Variants in THEM4 observed in about 807,000 individuals in gnomAD.
THEM4 encodes thioesterase superfamily member 4.
THEM4 carries 22 observed loss-of-function variants against 25.0 expected under a neutral mutation model. The ratio of observed to expected loss-of-function variants is 0.88; its 90% CI spans 0.63 to 1.26. THEM4 has a LOEUF of 1.26. Ranked by LOEUF, THEM4 falls within the 50% of genes most tolerant of loss-of-function variation. The pLI is 0.00. For synonymous variants in THEM4, 113 were observed against 105.6 expected (o/e 1.07, Z -0.43); for missense variants, 286 against 300.3 (o/e 0.95, Z 0.35).
At chr1:151,885,056 ATTG>A (rs1380416921) in intron 4 of THEM4, among the ~76,000 whole-genome samples, 1 of 151,166 alleles carries the variant, frequency 6.6e-6, no homozygotes, top group Non-Finnish European at 1.5e-5. Context: ...ATAGTTTATC[ATTG>A]TTTTCTCTTT....
chr1:151,908,057 T>C (rs1462949372), intron 1 of THEM4, among the ~76,000 whole-genome samples: 1 of 152,182 alleles, frequency 6.6e-6, no homozygotes, highest in Non-Finnish European at 1.5e-5. Flanking sequence ...ATTAAGCTCC[T>C]CTCTCTGGTG....
intron 4 of THEM4, among the ~76,000 whole-genome samples, chr1:151,886,333 G>A: frequency 6.6e-6 from 1 of 152,150 alleles, no homozygotes; most frequent in East Asian, 1.9e-4. Context: ...TTCCCATTTT[G>A]CATTTGAGTA....
rs775496108 is a variant in THEM4, at chr1:151,888,359, T to G, written c.471A>C (p.Ala157=). The G allele has an allele frequency of 8.7e-6, 14 of 1,613,056 alleles. No individual in the cohort carries two copies. Among genetic ancestry groups the G allele is most frequent in the Non-Finnish European group, 1.2e-5 (14 of 1,179,510 alleles). ...PPGFIHGGAI[A]TMIDATVGMC... Reference sequence around the variant, plus strand: ...TACCAACAGTAGCATCAATCATGGTTGCAATGGCACCTCCATGAATGAATC... The same window carrying G: ...TACCAACAGTAGCATCAATCATGGTGGCAATGGCACCTCCATGAATGAATC... Residue 157 remains alanine (A), a synonymous_variant, in exon 4 of 6, where the codon GCA becomes GCC. Coordinates refer to ENST00000368814, the MANE Select transcript of THEM4 (RefSeq NM_053055.5).
chr1:151,879,304 A>G (rs1315582809), intron 4 of THEM4, among the ~76,000 whole-genome samples: 1 of 152,214 alleles, frequency 6.6e-6, no homozygotes, highest in Admixed American at 6.5e-5. Flanking sequence ...GGATAACCAC[A>G]TGAGACTATT....
chr1:151,906,520 G>A (rs916513315), intron 1 of THEM4, among the ~76,000 whole-genome samples: 1 of 152,220 alleles, frequency 6.6e-6, no homozygotes, highest in Admixed American at 6.5e-5. Context: ...TGAGGAGTGT[G>A]GGCACACAGC....
At chr1:151,889,920 T>TG (rs980627168) in intron 2 of THEM4, 3 of 155,228 alleles carry the variant, frequency 1.9e-5, no homozygotes, top group Non-Finnish European at 4.3e-5. Flanking sequence ...TTTTTTTTTT[T>TG]TTTTTGACAG....
intron 1 of THEM4, among the ~76,000 whole-genome samples, chr1:151,896,602 G>A (rs550244081): frequency 9.0e-4 from 137 of 152,322 alleles, no homozygotes; most frequent in African/African-American, 3.2e-3. Context: ...GCAGATGGCT[G>A]CAGAAATGCA....
intron 4 of THEM4, among the ~76,000 whole-genome samples, chr1:151,883,892 T>C (rs1028013471): frequency 1.3e-5 from 2 of 151,986 alleles, no homozygotes; most frequent in African/African-American, 2.4e-5. Context: ...CTGGCCAACA[T>C]GGTGAAACCT....
chr1:151,893,589 C>A (rs1037834501), intron 2 of THEM4, among the ~76,000 whole-genome samples: 3 of 151,946 alleles, frequency 2.0e-5, no homozygotes, highest in Admixed American at 2.0e-4. Context: ...GTGGATGGTT[C>A]ACTCACAGCA....
intron 1 of THEM4, among the ~76,000 whole-genome samples, chr1:151,901,911 A>C (rs1266535313): frequency 3.9e-5 from 6 of 152,192 alleles, no homozygotes; most frequent in African/African-American, 1.4e-4. Context: ...GTCAAAAATG[A>C]AATCAAGATG....
In THEM4 at chr1:151,872,882, C is replaced by T. The variant is rs1363740530; in HGVS notation, c.*2006G>A. The stretch of plus-strand genomic sequence containing the variant: ...TGAGACAGCCTGAGATATGGCCTCC[C>T]GGGAAGGGAAAGACCTGACCATCCC... On this transcript the variant is annotated 3_prime_UTR_variant, in exon 6 of 6. Transcript: ENST00000368814. Among the ~76,000 whole-genome samples the T allele has an allele frequency of 1.3e-5, 2 of 152,098 alleles. No homozygotes were observed. The highest frequency in any genetic ancestry group is 2.4e-5 in the African/African-American group (1 of 41,412).
intron 1 of THEM4, among the ~76,000 whole-genome samples, chr1:151,898,257 G>A (rs1654268667): frequency 6.6e-6 from 1 of 152,210 alleles, no homozygotes; most frequent in Non-Finnish European, 1.5e-5. Context: ...GGGCATGGTG[G>A]GAGTGAGACC....
intron 4 of THEM4, among the ~76,000 whole-genome samples, chr1:151,881,096 A>T (rs777439409): frequency 6.6e-6 from 1 of 152,040 alleles, no homozygotes; most frequent in African/African-American, 2.4e-5. Flanking sequence ...CTCCTCCCAA[A>T]CTACATGCTA....
chr1:151,887,827 G>A (rs1284928723), intron 4 of THEM4, among the ~76,000 whole-genome samples: 1 of 152,048 alleles, frequency 6.6e-6, no homozygotes, highest in Non-Finnish European at 1.5e-5. Context: ...AGTAGATGTT[G>A]GTGCTCCACC....
rs529694233 is a variant in THEM4 at position 151,871,411 on chromosome 1, C to T, written c.*3477G>A. Among the ~76,000 whole-genome samples, 1 of 152,144 alleles carries T rather than the reference C, an allele frequency of 6.6e-6. No individual in the cohort carries two copies. The highest frequency in any genetic ancestry group is 2.4e-5 in the African/African-American group (1 of 41,510). ...GGAATAGTTCCATTAGGTCACACAG[C>T]AAGCCAGTGATGGAGTGGAGCTGGC... On this transcript the variant is annotated 3_prime_UTR_variant, in exon 6 of 6. Transcript: ENST00000368814.
intron 3 of THEM4, 43 bp downstream of exon 3, chr1:151,889,171 A>G: frequency 6.3e-7 from 1 of 1,587,130 alleles, no homozygotes; most frequent in Non-Finnish European, 8.6e-7. Flanking sequence ...GCAGTGTAAG[A>G]TAAAAATCTT....
intron 1 of THEM4, among the ~76,000 whole-genome samples, chr1:151,908,945 AGAT>A (rs1384317517): frequency 8.5e-5 from 13 of 152,370 alleles, no homozygotes; most frequent in Middle Eastern, 3.4e-3. Context: ...ACCTAAAGGA[AGAT>A]AAGCGTTTGG....
intron 1 of THEM4, among the ~76,000 whole-genome samples, chr1:151,899,924 T>A (rs1054801045): frequency 1.3e-5 from 2 of 152,096 alleles, no homozygotes; most frequent in African/African-American, 2.4e-5. Flanking sequence ...AGGCAACCTA[T>A]AAAGGAAAAT....
Position 151,874,585 on chromosome 1 carries a change from G to A in THEM4, c.*303C>T. ...AGACGGAGTTTCATCGTGTTGCCCA[G>A]ACTGATCTTGAACTCCTGAGCTCAG... On this transcript the variant is annotated 3_prime_UTR_variant, in exon 6 of 6. Transcript: ENST00000368814. 1 of 422,854 alleles carries A rather than the reference G, an allele frequency of 2.4e-6. No homozygotes were observed. The highest frequency in any genetic ancestry group is 4.3e-5 in the East Asian group (1 of 23,446). 26.2% of individuals were successfully genotyped at this position (422,854 alleles called of 1,614,324 possible).
Sources: gnomAD v4.1 joint callset for allele counts (sites outside exome capture counted in the v4.1 genomes callset) on GRCh38, gnomAD v4.1.1 for gene constraint, MANE v1.5 for transcripts, NCBI Gene and HGNC (gene_info 2026-07-23, HGNC 2026-07-21) for gene names.